Variants in ZC4H2 observed in about 807,000 individuals in gnomAD.
ZC4H2 encodes zinc finger C4H2 domain-containing protein.
For missense variants in ZC4H2, 137 were observed against 173.9 expected, an observed-to-expected ratio of 0.79 and a Z score of 1.19; for synonymous variants, 84 against 66.3, an observed-to-expected ratio of 1.27 and a Z score of -1.30.
At chrX:65,012,094 T>C (rs1932759427) in intron 1 of ZC4H2, among the ~76,000 whole-genome samples, 1 of 106,496 alleles carries the variant, frequency 9.4e-6, no homozygotes, top group South Asian at 4.4e-4. Context: ...AGAAACCTAG[T>C]ACATTAGCCT....
intron 1 of ZC4H2, among the ~76,000 whole-genome samples, chrX:64,925,012 T>C (rs777766759): frequency 3.5e-4 from 39 of 111,481 alleles, no homozygotes; most frequent in Admixed American, 1.9e-3. Flanking sequence ...AATAATAGCA[T>C]CTACTTTACA....
chrX:65,011,443 G>A (rs1378784511), intron 1 of ZC4H2, among the ~76,000 whole-genome samples: 1 of 111,442 alleles, frequency 9.0e-6, no homozygotes, highest in Non-Finnish European at 1.9e-5. Context: ...CCTGGGTGAG[G>A]GAGAGGTCTG....
At chrX:64,924,999 A>T (rs1929368144) in intron 1 of ZC4H2, among the ~76,000 whole-genome samples, 1 of 111,380 alleles carries the variant, frequency 9.0e-6, no homozygotes, top group South Asian at 3.8e-4. Context: ...GTAACACAGG[A>T]ATAATAATAG....
chrX:65,012,116 G>A, intron 1 of ZC4H2, among the ~76,000 whole-genome samples: 1 of 104,418 alleles, frequency 9.6e-6, no homozygotes, highest in East Asian at 3.1e-4. Flanking sequence ...TAATCCTAGC[G>A]ACTTGGGAGG....
chrX:64,928,337 T>C (rs1929523143), intron 1 of ZC4H2, among the ~76,000 whole-genome samples: 1 of 112,045 alleles, frequency 8.9e-6, no homozygotes, highest in South Asian at 3.7e-4. Context: ...ATTTTTCTGC[T>C]TATGGCTAGC....
At chrX:64,988,443 G>T (rs1238535548) in intron 1 of ZC4H2, among the ~76,000 whole-genome samples, 1 of 111,401 alleles carries the variant, frequency 9.0e-6, no homozygotes, top group African/African-American at 3.3e-5. Flanking sequence ...GGAGTGAGAT[G>T]GTATCTCATT....
At chrX:65,029,951 C>A (rs1448367230) in intron 1 of ZC4H2, among the ~76,000 whole-genome samples, 1 of 109,967 alleles carries the variant, frequency 9.1e-6, no homozygotes, top group Non-Finnish European at 1.9e-5. Flanking sequence ...GAAACTAAAT[C>A]TGTGGCAACA....
intron 1 of ZC4H2, among the ~76,000 whole-genome samples, chrX:64,948,286 C>A (rs572596183): frequency 1.8e-5 from 2 of 111,370 alleles, no homozygotes; most frequent in Non-Finnish European, 3.8e-5. Flanking sequence ...TGGCTTGGAT[C>A]CAGTTAGAGG....
chrX:65,011,153 C>A (rs1932751993), intron 1 of ZC4H2, among the ~76,000 whole-genome samples: 1 of 111,772 alleles, frequency 8.9e-6, no homozygotes, highest in African/African-American at 3.3e-5. Context: ...AGGCAAAGAG[C>A]TTTTCTACAA....
chrX:64,997,971 A>G (rs1932452651), intron 1 of ZC4H2, among the ~76,000 whole-genome samples: 1 of 111,973 alleles, frequency 8.9e-6, no homozygotes, highest in African/African-American at 3.3e-5. Context: ...TTCAAACTAA[A>G]TTGTTATAAA....
intron 1 of ZC4H2, among the ~76,000 whole-genome samples, chrX:64,966,477 T>C (rs1242418336): frequency 8.9e-6 from 1 of 112,525 alleles, no homozygotes. Flanking sequence ...GAAACATTTT[T>C]CCACAAAAAG....
chrX:64,953,980 A>C (rs1016580236), intron 1 of ZC4H2, among the ~76,000 whole-genome samples: 1 of 110,344 alleles, frequency 9.1e-6, no homozygotes, highest in Non-Finnish European at 1.9e-5. Flanking sequence ...GTGGAATACT[A>C]TGCAGCCATA....
chrX:65,018,286 T>G (rs1239931238), intron 1 of ZC4H2, among the ~76,000 whole-genome samples: 1 of 112,302 alleles, frequency 8.9e-6, no homozygotes, highest in Non-Finnish European at 1.9e-5. Context: ...CCAGCAAGAT[T>G]GACACAGAAG....
intron 1 of ZC4H2, among the ~76,000 whole-genome samples, chrX:65,024,009 G>A (rs1191195796): frequency 9.0e-6 from 1 of 110,939 alleles, no homozygotes; most frequent in Non-Finnish European, 1.9e-5. Flanking sequence ...CATAAGAACA[G>A]GAAACCAAAC....
chrX:64,920,275 G>A (rs1300521843), intron 2 of ZC4H2, 22 bp from the exon 3 acceptor site: 1 of 1,198,255 alleles, frequency 8.3e-7, no homozygotes, highest in Non-Finnish European at 1.1e-6. Context: ...AGTGGGATAG[G>A]CACAGAGAAA....
intron 1 of ZC4H2, among the ~76,000 whole-genome samples, chrX:65,003,602 G>T (rs1186490801): frequency 9.0e-6 from 1 of 111,488 alleles, no homozygotes; most frequent in Non-Finnish European, 1.9e-5. Flanking sequence ...AGGGGGCCAG[G>T]CGTGGTGGCT....
At chrX:64,921,703 C>T (rs1357223233) in intron 2 of ZC4H2, 114 bp downstream of exon 2, 2 of 834,917 alleles carry the variant, frequency 2.4e-6, no homozygotes, top group African/African-American at 2.1e-5. Flanking sequence ...CCACAGCCTG[C>T]ACTGATGCCT....
At chrX:64,978,128 G>A (rs774309071), upstream of ZC4H2, among the ~76,000 whole-genome samples, 1 of 111,539 alleles carries the variant, frequency 9.0e-6, no homozygotes, top group South Asian at 3.8e-4. Flanking sequence ...CCACCTCAGA[G>A]GCTTGTTGGG....
At chrX:64,918,058 G>T in intron 4 of ZC4H2, 162 bp from the exon 5 acceptor site, 1 of 585,166 alleles carries the variant, frequency 1.7e-6, no homozygotes, top group Non-Finnish European at 2.6e-6. Context: ...CATGGAAGAT[G>T]GGAAGGAAGG....
Sources: gnomAD v4.1 joint callset for allele counts (sites outside exome capture counted in the v4.1 genomes callset) on GRCh38, gnomAD v4.1.1 for gene constraint, MANE v1.5 for transcripts, NCBI Gene and HGNC (gene_info 2026-07-23, HGNC 2026-07-21) for gene names.